Variants in RPS6KA2 observed in about 807,000 individuals in gnomAD.
RPS6KA2 encodes ribosomal protein S6 kinase alpha-2.
In RPS6KA2, 42 loss-of-function variants were observed where a neutral mutation model predicts 91.8. The observed-to-expected ratio is 0.46, with a 90% CI of 0.36 to 0.59. RPS6KA2 has a LOEUF of 0.59. RPS6KA2 is among the 20% of genes least tolerant of loss of function. RPS6KA2 has a pLI of 0.00. For synonymous variants in RPS6KA2, 414 were observed against 393.6 expected (o/e 1.05, Z -0.61); for missense variants, 798 against 978.5 (o/e 0.82, Z 2.46).
At chr6:166,818,808 CA>C (rs1189115544) in intron 2 of RPS6KA2, among the ~76,000 whole-genome samples, 2 of 152,016 alleles carry the variant, frequency 1.3e-5, no homozygotes. Flanking sequence ...CTCTTTGAAC[CA>C]ACGACTGTGT....
chr6:166,453,073 C>G (rs111881830), intron 12 of RPS6KA2, among the ~76,000 whole-genome samples: 5,937 of 152,010 alleles, frequency 0.039, 388 homozygotes, highest in African/African-American at 0.13. Flanking sequence ...TGGTGGTGTA[C>G]GCCTGTAATC....
intron 2 of RPS6KA2, among the ~76,000 whole-genome samples, chr6:166,776,662 G>A (rs549437996): frequency 7.9e-5 from 12 of 152,314 alleles, no homozygotes; most frequent in African/African-American, 2.4e-4. Context: ...ACCGCACAGC[G>A]TGGGGTCTTC....
In RPS6KA2 at chr6:166,840,729, A is replaced by C. The variant is rs1780449709; in HGVS notation, c.123+17471T>G. Among the ~76,000 whole-genome samples the C allele has an allele frequency of 2.0e-5, 3 of 152,206 alleles. No homozygotes were observed. In the South Asian group the frequency reaches 6.2e-4, roughly 31 times the overall value. The stretch of plus-strand genomic sequence containing the variant: ...GGCTCACGCCTGTAATCCCAGGCTT[A>C]GGCGGGCAGATCACCTGAGGTCGGG... On this transcript the variant is annotated intron_variant, in intron 2 of 21. Transcript: ENST00000503859.
At chr6:166,659,893 A>C (rs1788112536) in intron 2 of RPS6KA2, among the ~76,000 whole-genome samples, 1 of 152,092 alleles carries the variant, frequency 6.6e-6, no homozygotes, top group African/African-American at 2.4e-5. Flanking sequence ...AATCCAAGTA[A>C]ATTAAGAATG....
At chr6:166,624,565 A>G (rs1786765354) in intron 1 of RPS6KA2, among the ~76,000 whole-genome samples, 1 of 152,196 alleles carries the variant, frequency 6.6e-6, no homozygotes. Context: ...GAGACTCATC[A>G]CTGGGTGGAA....
rs758929555 is a variant in RPS6KA2 at position 166,510,339 on chromosome 6, G to C, written c.317C>G (p.Ser106Trp). 1.3e-6 allele frequency: 2 copies of C among 1,598,896 alleles called. No individual in the cohort carries two copies. The highest frequency in any genetic ancestry group is 1.1e-5 in the South Asian group (1 of 89,242). Residue 106 changes from serine (S) to tryptophan (W), a missense_variant, in exon 4 of 21, where the codon TCG becomes TGG. Coordinates refer to ENST00000265678, the MANE Select transcript of RPS6KA2 (RefSeq NM_021135.6). Reference protein sequence around the residue: ...ATLKVRDRVRSKMERDILAEV... With the variant: ...ATLKVRDRVRWKMERDILAEV... Reference sequence around the variant, plus strand: ...TGCCAAGATGTCTCTCTCCATCTTCGATCTCACTCGGTCCCGAACTGCAAA... The same window carrying C: ...TGCCAAGATGTCTCTCTCCATCTTCCATCTCACTCGGTCCCGAACTGCAAA...
intron 2 of RPS6KA2, among the ~76,000 whole-genome samples, chr6:166,673,948 A>G (rs1185646217): frequency 6.6e-6 from 1 of 152,230 alleles, no homozygotes; most frequent in East Asian, 1.9e-4. Context: ...ATACATAAAG[A>G]GCCATGAACA....
intron 10 of RPS6KA2, among the ~76,000 whole-genome samples, chr6:166,476,990 G>C (rs1405452329): frequency 6.6e-6 from 1 of 152,150 alleles, no homozygotes; most frequent in Non-Finnish European, 1.5e-5. Flanking sequence ...GGCTCTTTTG[G>C]AGGAACGAGA....
intron 2 of RPS6KA2, among the ~76,000 whole-genome samples, chr6:166,764,524 G>A (rs1778256070): frequency 6.6e-6 from 1 of 152,126 alleles, no homozygotes; most frequent in African/African-American, 2.4e-5. Context: ...GAGAAGGCGG[G>A]CAGGGGTGGT....
intron 2 of RPS6KA2, among the ~76,000 whole-genome samples, chr6:166,743,188 C>T (rs1790867689): frequency 8.7e-6 from 1 of 114,502 alleles, no homozygotes; most frequent in African/African-American, 6.7e-5. Context: ...ATTAAACTTG[C>T]AAACTGTCAC....
rs1412526994 is a variant in RPS6KA2, at chr6:166,635,721, G to A, written c.124-96937C>T. Among the ~76,000 whole-genome samples the A allele has an allele frequency of 2.0e-5, 3 of 152,112 alleles. No homozygotes were observed. Among genetic ancestry groups the A allele is most frequent in the Non-Finnish European group, 4.4e-5 (3 of 68,008 alleles). On this transcript the variant is annotated intron_variant, in intron 2 of 21. Transcript: ENST00000503859. The surrounding 1 kb of genome is among the most constrained non-coding windows in gnomAD (Gnocchi z 4.8). ...GGAGGATGCCATGAGCATCACCTGG[G>A]TGTGTCTGCAGAAGGACGTTCAACT...
rs1003383268 is a variant in RPS6KA2 at position 166,603,869 on chromosome 6, G to A, written c.99+23052C>T. 2.6e-5 allele frequency among the ~76,000 whole-genome samples: 4 copies of A among 152,142 alleles called. No individual in the cohort carries two copies. The highest frequency in any genetic ancestry group is 9.7e-5 in the African/African-American group (4 of 41,414). On this transcript the variant is annotated intron_variant, in intron 1 of 20. Transcript: ENST00000265678. This position sits in a 1 kb window ranked among gnomAD's most constrained non-coding sequence, Gnocchi z 4.3. ...AAGACCCCCTCAGCACCCACCAAAC[G>A]GGCAATCGAGGTTGTTTTAGGCAGA...
Position 166,419,735 on chromosome 6 carries a change from A to G in RPS6KA2, c.1820+147T>C. 1 of 623,086 alleles carries G rather than the reference A, an allele frequency of 1.6e-6. No homozygotes were observed. Among genetic ancestry groups the G allele is most frequent in the Non-Finnish European group, 2.9e-6 (1 of 346,150 alleles). The allele number at this position is 623,086 out of a possible 1,614,324, so 38.6% of individuals were successfully genotyped here. The stretch of plus-strand genomic sequence containing the variant: ...GGGCTAAGAAAGTCTGCGAGTGTTC[A>G]CTCAAGGCCTGGGAGTGTTTGCATA... On this transcript the variant is annotated intron_variant, in intron 18 of 20. Transcript: ENST00000265678. This position sits in a 1 kb window ranked among gnomAD's most constrained non-coding sequence, Gnocchi z 5.6.
intron 2 of RPS6KA2, among the ~76,000 whole-genome samples, chr6:166,707,154 T>C (rs1789702382): frequency 6.6e-6 from 1 of 152,250 alleles, no homozygotes; most frequent in Admixed American, 6.5e-5. Context: ...ATCTGCTAGA[T>C]GCCTTCCTTG....
intron 2 of RPS6KA2, among the ~76,000 whole-genome samples, chr6:166,749,695 T>C (rs187598986): frequency 2.3e-4 from 3 of 12,942 alleles, no homozygotes; most frequent in East Asian, 3.2e-3. Flanking sequence ...GGTCCCCCAT[T>C]TCCTCAGGCC....
rs1779265686 is a variant in RPS6KA2 at position 166,435,551 on chromosome 6, C to G, written c.1333-3061G>C. ...ACACACCAGCTGTTCGCTGAGGTGGCATTTGGGGAAATGGAGGAAAATGAA... is the reference window on the plus strand; with the variant it reads ...ACACACCAGCTGTTCGCTGAGGTGGGATTTGGGGAAATGGAGGAAAATGAA... On this transcript the variant is annotated intron_variant, in intron 14 of 20. Coordinates refer to ENST00000265678, the MANE Select transcript of RPS6KA2 (RefSeq NM_021135.6). The surrounding 1 kb of genome is among the most constrained non-coding windows in gnomAD (Gnocchi z 4.3). Among the ~76,000 whole-genome samples the G allele has an allele frequency of 6.6e-6, 1 of 152,226 alleles. No homozygotes were observed. The highest frequency in any genetic ancestry group is 2.1e-4 in the South Asian group (1 of 4,834).
intron 2 of RPS6KA2, among the ~76,000 whole-genome samples, chr6:166,797,493 A>G (rs1310336468): frequency 6.6e-6 from 1 of 152,166 alleles, no homozygotes; most frequent in African/African-American, 2.4e-5. Context: ...CTATTCACAC[A>G]TATGTCATAT....
rs535643740 is a variant in RPS6KA2 at position 166,702,812 on chromosome 6, T to C, written c.123+155388A>G. 371 of 1,056,102 alleles carry C rather than the reference T, an allele frequency of 3.5e-4. 1 individual carries two copies. The African/African-American group carries it at 5.2e-3, about 15-fold the overall frequency. 65.4% of individuals were successfully genotyped at this position (1,056,102 alleles called of 1,614,324 possible). On this transcript the variant is annotated intron_variant, in intron 2 of 21. Coordinates refer to the RPS6KA2 transcript ENST00000503859. ...AGGTCCAAGGGGGCGGCGTTCTCGC[T>C]GAGGTTTCTGATATACGGTTTGTTC... is the stretch of plus-strand genomic sequence containing the variant.
At chr6:166,625,336 C>A (rs1488645808) in intron 1 of RPS6KA2, among the ~76,000 whole-genome samples, 19 of 114,914 alleles carry the variant, frequency 1.7e-4, no homozygotes, top group South Asian at 4.0e-4. Context: ...CCCCCACCCC[C>A]CCCCCCGCTT....
Sources: allele counts gnomAD v4.1 joint callset (sites outside exome capture counted in the v4.1 genomes callset), GRCh38; gene constraint gnomAD v4.1.1; non-coding constraint Gnocchi (gnomAD v3.1); transcripts MANE v1.5; gene names NCBI Gene and HGNC (gene_info 2026-07-23, HGNC 2026-07-21).